APP: variants seen among roughly 807,000 people sequenced by gnomAD.
APP encodes amyloid beta precursor protein, also known as amyloid-beta precursor protein.
A neutral mutation model predicts 101.4 loss-of-function variants in APP; 31 were observed. The observed-to-expected ratio is 0.31, with a 90% CI of 0.23 to 0.41. The LOEUF (loss-of-function observed/expected upper bound fraction) is 0.41, where lower values mean the gene tolerates loss of function less well. APP is among the 10% of genes least tolerant of loss of function. The pLI is 1.00. For missense variants in APP, 839 were observed against 1,003.7 expected, an observed-to-expected ratio of 0.84 and a Z score of 2.22; for synonymous variants, 366 against 364.4, an observed-to-expected ratio of 1.00 and a Z score of -0.05.
At position 25,954,327 on chromosome 21, in the gene APP, C is replaced by T. The variant is rs1701001; in HGVS notation, c.1687+263G>A. Among the ~76,000 whole-genome samples, 127,962 of 152,206 alleles carry T rather than the reference C, an allele frequency of 0.84. 54,733 individuals carry two copies. The highest frequency in any genetic ancestry group is 0.93 in the Non-Finnish European group (63,290 of 68,034). ...GGGCAAATTAGAAAAAATGCTGCCA[C>T]GTATAATTCAATAACAAGTGTCCAA... On this transcript the variant is annotated intron_variant, in intron 13 of 17. Transcript: ENST00000346798.
intron 2 of APP, among the ~76,000 whole-genome samples, chr21:26,100,385 G>A (rs956336702): frequency 6.6e-6 from 1 of 152,060 alleles, no homozygotes; most frequent in Non-Finnish European, 1.5e-5. Flanking sequence ...CAATGTATAC[G>A]TGCCTATGAT....
chr21:26,087,319 G>A (rs759285631), intron 3 of APP, among the ~76,000 whole-genome samples: 18 of 152,342 alleles, frequency 1.2e-4, no homozygotes, highest in African/African-American at 2.6e-4. Flanking sequence ...AAGGACCAGT[G>A]ATTCATAAAA....
chr21:25,888,562 G>A (rs935920110), intron 17 of APP, among the ~76,000 whole-genome samples: 15 of 152,148 alleles, frequency 9.9e-5, no homozygotes, highest in African/African-American at 3.4e-4. Context: ...AAACAAACAC[G>A]AATGAGGTGG....
At chr21:25,945,302 A>G (rs1470329703) in intron 13 of APP, among the ~76,000 whole-genome samples, 1 of 150,716 alleles carries the variant, frequency 6.6e-6, no homozygotes, top group Non-Finnish European at 1.5e-5. Context: ...TCTAGTAGAT[A>G]AAAGTGTTGT....
chr21:25,890,722 C>CCA (rs370811580), intron 17 of APP, among the ~76,000 whole-genome samples: 4 of 114,730 alleles, frequency 3.5e-5, no homozygotes, highest in African/African-American at 1.0e-4. Context: ...GAGACTGTCT[C>CCA]AAAAAAAAAA....
intron 13 of APP, among the ~76,000 whole-genome samples, chr21:25,921,637 A>G (rs1156958047): frequency 3.4e-5 from 4 of 117,648 alleles, no homozygotes; most frequent in Non-Finnish European, 5.2e-5. Flanking sequence ...AGAAATGGAT[A>G]CATTCCTCGA....
chr21:25,902,694 C>G (rs1405181192), intron 15 of APP, among the ~76,000 whole-genome samples: 1 of 152,190 alleles, frequency 6.6e-6, no homozygotes, highest in Non-Finnish European at 1.5e-5. Context: ...ACTTAACATG[C>G]CCCTGGGTTA....
intron 1 of APP, among the ~76,000 whole-genome samples, chr21:26,119,592 A>T (rs1172504336): frequency 6.6e-6 from 1 of 152,236 alleles, no homozygotes; most frequent in East Asian, 1.9e-4. Flanking sequence ...TAGTTTTTCA[A>T]CAGTTGACAT....
intron 1 of APP, among the ~76,000 whole-genome samples, chr21:26,152,951 ACT>A (rs2063308263): frequency 6.6e-6 from 1 of 152,232 alleles, no homozygotes; most frequent in African/African-American, 2.4e-5. Flanking sequence ...ATCAGGGACT[ACT>A]ACTCAGCCAT....
chr21:25,900,564 A>AATT (rs1479241067), intron 15 of APP, among the ~76,000 whole-genome samples: 2 of 151,738 alleles, frequency 1.3e-5, no homozygotes, highest in African/African-American at 4.8e-5. Flanking sequence ...TGTCTCCAAA[A>AATT]ATAAATAAAT....
chr21:25,894,444 C>G (rs2037898056), intron 16 of APP, among the ~76,000 whole-genome samples: 5 of 152,306 alleles, frequency 3.3e-5, no homozygotes, highest in African/African-American at 1.2e-4. Flanking sequence ...TTAAGAACAT[C>G]TGTGATCCAT....
intron 1 of APP, among the ~76,000 whole-genome samples, chr21:26,114,047 A>G (rs1046068591): frequency 6.6e-6 from 1 of 152,076 alleles, no homozygotes; most frequent in Non-Finnish European, 1.5e-5. Flanking sequence ...TTCCTGTCCC[A>G]AAGATTTCCA....
At chr21:26,011,996 C>T (rs1251513562) in intron 6 of APP, among the ~76,000 whole-genome samples, 4 of 152,150 alleles carry the variant, frequency 2.6e-5, no homozygotes, top group East Asian at 1.9e-4. Context: ...TAACCTTTAA[C>T]ATTTCCTCTG....
At chr21:26,023,587 C>A (rs1295720552) in intron 5 of APP, among the ~76,000 whole-genome samples, 1 of 151,832 alleles carries the variant, frequency 6.6e-6, no homozygotes, top group Non-Finnish European at 1.5e-5. Context: ...CCTGTAGTTC[C>A]AGCTACTCAG....
At chr21:26,005,461 T>C (rs537421411) in intron 6 of APP, among the ~76,000 whole-genome samples, 7 of 152,292 alleles carry the variant, frequency 4.6e-5, no homozygotes, top group African/African-American at 1.7e-4. Context: ...ATTTTTCAGT[T>C]TGCCTAAGAG....
At chr21:26,122,631 G>A (rs1400166897) in intron 1 of APP, among the ~76,000 whole-genome samples, 1 of 152,030 alleles carries the variant, frequency 6.6e-6, no homozygotes, top group African/African-American at 2.4e-5. Context: ...TTTATCACAA[G>A]CCCATGAGCT....
chr21:25,937,794 G>A (rs2040418012), intron 13 of APP: 1 of 152,194 alleles, frequency 6.6e-6, no homozygotes, highest in Non-Finnish European at 1.5e-5. Flanking sequence ...TTTGAGATAA[G>A]GTCGTCCCTC....
At chr21:25,897,442 T>C in intron 16 of APP, 131 bp downstream of exon 16, 1 of 801,608 alleles carries the variant, frequency 1.2e-6, no homozygotes, top group East Asian at 2.6e-5. Flanking sequence ...CATGTTTTCA[T>C]GGTAATCCTA....
chr21:26,103,040 ACAACT>A (rs1467533441), intron 2 of APP, among the ~76,000 whole-genome samples: 3 of 152,326 alleles, frequency 2.0e-5, no homozygotes, highest in South Asian at 2.1e-4. Flanking sequence ...AAAGAAAATA[ACAACT>A]CAACAGTCTA....
Sources: allele counts gnomAD v4.1 joint callset (sites outside exome capture counted in the v4.1 genomes callset), GRCh38; gene constraint gnomAD v4.1.1; transcripts MANE v1.5; gene names NCBI Gene and HGNC (gene_info 2026-07-23, HGNC 2026-07-21).